AP5B1: variants seen among roughly 807,000 people sequenced by gnomAD.
AP5B1 encodes AP-5 complex subunit beta-1.
Under a neutral mutation model 5.7 loss-of-function variants are expected in AP5B1, and 3 were observed. The ratio of observed to expected loss-of-function variants is 0.53; its 90% CI spans 0.24 to 1.36. AP5B1 has a LOEUF of 1.36. Ranked by LOEUF, AP5B1 falls within the 40% of genes most tolerant of loss-of-function variation. AP5B1 has a pLI of 0.17. For missense variants in AP5B1, 1,310 were observed against 1,143.2 expected, an observed-to-expected ratio of 1.15 and a Z score of -2.10; for synonymous variants, 696 against 555.5, an observed-to-expected ratio of 1.25 and a Z score of -3.56.
In AP5B1 at chr11:65,778,481, T is replaced by C. The variant is rs773725951; in HGVS notation, c.2012A>G (p.His671Arg). The change falls in exon 2 of 2, where the codon CAT becomes CGT. Residue 671 changes from histidine (H) to arginine (R), a missense_variant. Transcript: ENST00000532090. ...CACTGGGAGTGGGCCCTTGACCCGA[T>C]GGGACCCCAGGCTCAGCCGTACCAG... is the stretch of plus-strand genomic sequence containing the variant. ...PALVRLSLGS[H>R]RVKGPLPVLK... 4.4e-6 allele frequency: 7 copies of C among 1,573,696 alleles called. No homozygotes were observed. The highest frequency in any genetic ancestry group is 1.1e-5 in the South Asian group (1 of 87,050).
At position 65,775,880 on chromosome 11, in the gene AP5B1, C is replaced by T. The variant is rs1565224045; in HGVS notation, c.*1976G>A. 2 of 152,162 alleles carry T rather than the reference C, an allele frequency of 1.3e-5. No individual in the cohort carries two copies. The highest frequency in any genetic ancestry group is 2.4e-5 in the African/African-American group (1 of 41,404). 9.4% of individuals were successfully genotyped at this position (152,162 alleles called of 1,614,324 possible). On this transcript the variant is annotated 3_prime_UTR_variant, in exon 2 of 2. Coordinates refer to ENST00000532090, the MANE Select transcript of AP5B1 (RefSeq NM_138368.5). ...CTCCACCTATTAACAGTACCACTGT[C>T]CCAGGCCCTTTCTTTTTTTTCTTTT... is the stretch of plus-strand genomic sequence containing the variant.
rs775245158 is a variant in AP5B1, at chr11:65,778,830, C to T, written c.1663G>A (p.Ala555Thr). Reference sequence around the variant, plus strand: ...GCGGCCTGTAGAAAGTTGAGGGTAGCACTCTGGGCATCTCCATCTGCCACC... The same window carrying T: ...GCGGCCTGTAGAAAGTTGAGGGTAGTACTCTGGGCATCTCCATCTGCCACC... ...AKVADGDAQS[A>T]TLNFLQAAAA... Residue 555 changes from alanine (A) to threonine (T), a missense_variant, in exon 2 of 2, where the codon GCT becomes ACT. Transcript: ENST00000532090. The T allele has an allele frequency of 6.2e-7, 1 of 1,610,170 alleles. No homozygotes were observed.
rs756936105 is a variant in AP5B1 at position 65,779,828 on chromosome 11, G to A, written c.665C>T (p.Pro222Leu). 1.3e-6 allele frequency: 2 copies of A among 1,589,590 alleles called. No individual in the cohort carries two copies. The highest frequency in any genetic ancestry group is 1.1e-5 in the South Asian group (1 of 87,758). Residue 222 changes from proline (P) to leucine (L), a missense_variant, in exon 2 of 2, where the codon CCC becomes CTC. By Grantham distance (98) the Pro-to-Leu change is moderately conservative. Transcript: ENST00000532090. ...TDKVSPTGGG[P>L]WDWTLVEEGD... is the part of the protein sequence containing the mutation. ...CTCCTCCACTAGTGTCCAATCCCAGGGACCACCCCCAGTTGGGGAGACCTT... is the reference window on the plus strand; with the variant it reads ...CTCCTCCACTAGTGTCCAATCCCAGAGACCACCCCCAGTTGGGGAGACCTT...
Position 65,780,811 on chromosome 11 carries a change from C to G in AP5B1, c.-220G>C. On this transcript the variant is annotated 5_prime_UTR_variant, in exon 1 of 2. Transcript: ENST00000532090. ...CTCGCGGGACAGGACAGGAGCAGGGCGGGGGAGGGTGCGTGCCGAGAGCTC... is the reference window on the plus strand; with the variant it reads ...CTCGCGGGACAGGACAGGAGCAGGGGGGGGGAGGGTGCGTGCCGAGAGCTC... The G allele has an allele frequency of 5.7e-5, 18 of 316,954 alleles. No individual in the cohort carries two copies. The highest frequency in any genetic ancestry group is 5.2e-5 in the East Asian group (1 of 19,210). The allele number at this position is 316,954 out of a possible 1,614,324, so 19.6% of individuals were successfully genotyped here. A position where few individuals can be genotyped will look rare whatever the true frequency, so the allele number is the denominator to read the frequency against.
rs1166010848 is a variant in AP5B1 at position 65,780,288 on chromosome 11, A to G, written c.205T>C (p.Ser69Pro). Residue 69 changes from serine (S) to proline (P), a missense_variant, in exon 2 of 2, where the codon TCT (serine) becomes CCT (proline). Coordinates refer to ENST00000532090, the MANE Select transcript of AP5B1 (RefSeq NM_138368.5). Reference protein sequence around the residue: ...EYPAQLWPDASAAEVAATSLL... With the variant: ...EYPAQLWPDAPAAEVAATSLL... ...GAGGTGGCGGCCACTTCGGCCGCAGAGGCGTCGGGCCACAGCTGCGCAGGG... is the reference window on the plus strand; with the variant it reads ...GAGGTGGCGGCCACTTCGGCCGCAGGGGCGTCGGGCCACAGCTGCGCAGGG... 6.7e-7 allele frequency: 1 copy of G among 1,501,276 alleles called. No homozygotes were observed. The highest frequency in any genetic ancestry group is 8.8e-7 in the Non-Finnish European group (1 of 1,131,108). 93.0% of individuals were successfully genotyped at this position (1,501,276 alleles called of 1,614,324 possible).
chr11:65,774,457 G>A lies in AP5B1; in HGVS notation c.*3399C>T, dbSNP rs919782803. ...GACGGAGTCCTGCTCTGTCATCCAGGCTGGAGTGTAGTGGCCCAATCTCAG... is the reference window on the plus strand; with the variant it reads ...GACGGAGTCCTGCTCTGTCATCCAGACTGGAGTGTAGTGGCCCAATCTCAG... On this transcript the variant is annotated 3_prime_UTR_variant, in exon 2 of 2. Transcript: ENST00000532090. Among the ~76,000 whole-genome samples the A allele has an allele frequency of 1.3e-5, 2 of 152,122 alleles. No homozygotes were observed. The highest frequency in any genetic ancestry group is 1.3e-4 in the Admixed American group (2 of 15,278).
In AP5B1 at chr11:65,778,321, C is replaced by G; in HGVS notation, c.2172G>C (p.Leu724=). The G allele has an allele frequency of 6.2e-7, 1 of 1,612,604 alleles. No individual in the cohort carries two copies. The highest frequency in any genetic ancestry group is 8.5e-7 in the Non-Finnish European group (1 of 1,179,764). Residue 724 remains leucine, a synonymous_variant, in exon 2 of 2, where the codon CTG becomes CTC. Transcript: ENST00000532090. ...GGCATCGGGGCTGCAGAGGCAGGAG[C>G]AGAGGGCGGGCAGGGCGGCCAGGAC... The part of the protein sequence containing the change: ...CLCPGRPARP[L]LLPLQPRCPA...
In AP5B1 at chr11:65,780,000, G is replaced by A. The variant is rs1223596361; in HGVS notation, c.493C>T (p.Leu165=). 6.4e-7 allele frequency: 1 copy of A among 1,566,230 alleles called. No homozygotes were observed. The highest frequency in any genetic ancestry group is 8.7e-7 in the Non-Finnish European group (1 of 1,155,928). Residue 165 remains leucine, a synonymous_variant, in exon 2 of 2, where the codon CTG becomes TTG. Transcript: ENST00000532090. The stretch of plus-strand genomic sequence containing the variant: ...CGCAGCAACCCCAGGGAGCCCCCCA[G>A]CAGCCCGGGCTTGCAGCTCTCTAGC... ...RELESCKPGL[L]GGSLGLLRGL...
In AP5B1 at chr11:65,777,221, CCT is replaced by C. The variant is rs974840535; in HGVS notation, c.*633_*634del. 6.6e-6 allele frequency: 1 copy of C among 152,386 alleles called. No individual in the cohort carries two copies. Among genetic ancestry groups the C allele is most frequent in the African/African-American group, 2.4e-5 (1 of 41,450 alleles). 9.4% of individuals were successfully genotyped at this position (152,386 alleles called of 1,614,324 possible). On this transcript the variant is annotated 3_prime_UTR_variant, in exon 2 of 2. Coordinates refer to ENST00000532090, the MANE Select transcript of AP5B1 (RefSeq NM_138368.5). ...TGAGTGGCCTTGGGCAAGGCCAGACCCTCTCTGGGAAGCAGAAAGGAGATTTT... is the reference window on the plus strand; with the variant it reads ...TGAGTGGCCTTGGGCAAGGCCAGACCCTCTGGGAAGCAGAAAGGAGATTTT...
At position 65,778,013 on chromosome 11, in the gene AP5B1, C is replaced by T. The variant is rs768724582; in HGVS notation, c.2480G>A (p.Ser827Asn). The T allele has an allele frequency of 6.2e-7, 1 of 1,612,352 alleles. No homozygotes were observed. ...GGGCAGGTGGATTGCTACACAGTAG[C>T]TGGTAGGAGGCTGGGCCACCACCAC... is the stretch of plus-strand genomic sequence containing the variant. The part of the protein sequence containing the change: ...PFVVVAQPPT[S>N]YCVAIHLPPD... Residue 827 changes from serine (S) to asparagine (N), a missense_variant, in exon 2 of 2, where the codon AGC (serine) becomes AAC (asparagine). Transcript: ENST00000532090.
rs1019532967 is a variant in AP5B1, at chr11:65,778,713, C to G, written c.1780G>C (p.Asp594His). 3.2e-6 allele frequency: 5 copies of G among 1,586,168 alleles called. No individual in the cohort carries two copies. The highest frequency in any genetic ancestry group is 3.4e-4 in the Middle Eastern group (2 of 5,842). Residue 594 changes from aspartate (D) to histidine (H), a missense_variant, in exon 2 of 2, where the codon GAC (aspartate) becomes CAC (histidine). Coordinates refer to ENST00000532090, the MANE Select transcript of AP5B1 (RefSeq NM_138368.5). ...LRAGVRGGLV[D>H]LLQVLARQLE... is the part of the protein sequence containing the mutation. ...TGCCTGGCCAGCACCTGCAGCAAGT[C>G]GACCAGGCCGCCCCTCACCCCTGCC...
At position 65,778,610 on chromosome 11, in the gene AP5B1, C is replaced by A. The variant is rs1857798394; in HGVS notation, c.1883G>T (p.Gly628Val). 6.3e-7 allele frequency: 1 copy of A among 1,595,124 alleles called. No homozygotes were observed. ...GGCAAGCGAGGGGCCCAGGGCCACC[C>A]CCAACTTGGGTGCTGCCAGGTGTGC... is the stretch of plus-strand genomic sequence containing the variant. ...LLAHLAAPKL[G>V]VALGPSLAAP... is the part of the protein sequence containing the mutation. Residue 628 changes from glycine (G) to valine (V), a missense_variant, in exon 2 of 2, where the codon GGG (glycine) becomes GTG (valine). Physicochemically the swap from Gly to Val is moderately radical, Grantham distance 109. Transcript: ENST00000532090.
In AP5B1 at chr11:65,780,287, G is replaced by A. The variant is rs759123844; in HGVS notation, c.206C>T (p.Ser69Phe). ...EYPAQLWPDA[S>F]AAEVAATSLL... The stretch of plus-strand genomic sequence containing the variant: ...GGAGGTGGCGGCCACTTCGGCCGCA[G>A]AGGCGTCGGGCCACAGCTGCGCAGG... Residue 69 changes from serine (S) to phenylalanine (F), a missense_variant, in exon 2 of 2, where the codon TCT becomes TTT. Transcript: ENST00000532090. 2.4e-5 allele frequency: 36 copies of A among 1,501,274 alleles called. No individual in the cohort carries two copies. Among genetic ancestry groups the A allele is most frequent in the Middle Eastern group, 3.5e-4 (2 of 5,688 alleles). The allele number at this position is 1,501,274 out of a possible 1,614,324, so 93.0% of individuals were successfully genotyped here.
rs1857774554 is a variant in AP5B1, at chr11:65,777,197, G to A, written c.*659C>T. ...GCTTCAGCCTTCTTCCTAAATCACT[G>A]AGTGGCCTTGGGCAAGGCCAGACCC... On this transcript the variant is annotated 3_prime_UTR_variant, in exon 2 of 2. Transcript: ENST00000532090. 1 of 152,268 alleles carries A rather than the reference G, an allele frequency of 6.6e-6. No individual in the cohort carries two copies. Among genetic ancestry groups the A allele is most frequent in the African/African-American group, 2.4e-5 (1 of 41,424 alleles). The allele number at this position is 152,268 out of a possible 1,614,324, so 9.4% of individuals were successfully genotyped here.
chr11:65,779,866 TC>T lies in AP5B1; in HGVS notation c.626del (p.Gly209AspfsTer19). 1.3e-6 allele frequency: 2 copies of T among 1,596,160 alleles called. No individual in the cohort carries two copies. The highest frequency in any genetic ancestry group is 1.1e-5 in the South Asian group (1 of 89,078). On this transcript the variant is annotated frameshift_variant, in exon 2 of 2. Transcript: ENST00000532090. LOFTEE classifies it low-confidence loss of function (END_TRUNC). ...LQSRVGAGLG[G>X]LLTDKVSPTG... ...TTGGGGAGACCTTATCCGTGAGCAG[TC>T]CCCCCAGGCCAGCCCCAACCCGGGA... is the stretch of plus-strand genomic sequence containing the variant.
rs1244442041 is a variant in AP5B1, at chr11:65,780,786, C to T, written c.-195G>A. 5 of 462,898 alleles carry T rather than the reference C, an allele frequency of 1.1e-5. No individual in the cohort carries two copies. The highest frequency in any genetic ancestry group is 9.1e-5 in the Admixed American group (2 of 21,860). The allele number at this position is 462,898 out of a possible 1,614,324, so 28.7% of individuals were successfully genotyped here. A position where few individuals can be genotyped will look rare whatever the true frequency, so the allele number is the denominator to read the frequency against. On this transcript the variant is annotated 5_prime_UTR_variant, in exon 1 of 2. Coordinates refer to ENST00000532090, the MANE Select transcript of AP5B1 (RefSeq NM_138368.5). ...GACGCCAGAGCTGGGCGCCGGGGCC[C>T]TCGCGGGACAGGACAGGAGCAGGGC... is the stretch of plus-strand genomic sequence containing the variant.
rs1331807331 is a variant in AP5B1 at position 65,780,972 on chromosome 11, G to C, written c.-381C>G. Among the ~76,000 whole-genome samples the C allele has an allele frequency of 1.3e-5, 2 of 148,804 alleles. No individual in the cohort carries two copies. Among genetic ancestry groups the C allele is most frequent in the Non-Finnish European group, 1.5e-5 (1 of 66,818 alleles). On this transcript the variant is annotated 5_prime_UTR_variant, in exon 1 of 2. Transcript: ENST00000532090. ...GCACTCAGGCCGGCCGGCTCCTTCC[G>C]GGCTGGCGGCGCGGGGCGGGGCGCG... is the stretch of plus-strand genomic sequence containing the variant.
rs751208462 is a variant in AP5B1 at position 65,777,986 on chromosome 11, G to A, written c.2507C>T (p.Pro836Leu). The A allele has an allele frequency of 4.7e-5, 76 of 1,609,304 alleles. No homozygotes were observed. The highest frequency in any genetic ancestry group is 6.1e-5 in the Non-Finnish European group (72 of 1,178,438). ...TSYCVAIHLP[P>L]DSKLLLRLEA... ...CAGCCGCAGCAGCAGCTTTGAGTCC[G>A]GGGGCAGGTGGATTGCTACACAGTA... Residue 836 changes from proline to leucine, a missense_variant, in exon 2 of 2, where the codon CCG (proline) becomes CTG (leucine). Physicochemically the swap from Pro to Leu is moderately conservative, Grantham distance 98 (BLOSUM62 -3). Transcript: ENST00000532090.
chr11:65,778,753 G>A lies in AP5B1; in HGVS notation c.1740C>T (p.Cys580=), dbSNP rs769563668. The change falls in exon 2 of 2, where the codon TGC becomes TGT. Residue 580 remains cysteine (C), a synonymous_variant. Coordinates refer to ENST00000532090, the MANE Select transcript of AP5B1 (RefSeq NM_138368.5). ...TCACCCCTGCCCGCAGCAGCGCCCG[G>A]CAGACCCGCAGCAGGCCCTGCTGTA... ...WDLQQGLLRV[C]RALLRAGVRG... is the part of the protein sequence containing the mutation. 5 of 1,607,450 alleles carry A rather than the reference G, an allele frequency of 3.1e-6. No individual in the cohort carries two copies. The East Asian group carries it at 1.1e-4, about 36-fold the overall frequency.
Sources: allele counts gnomAD v4.1 joint callset (sites outside exome capture counted in the v4.1 genomes callset), GRCh38; gene constraint gnomAD v4.1.1; transcripts MANE v1.5; gene names NCBI Gene and HGNC (gene_info 2026-07-23, HGNC 2026-07-21).